Variants in PTPN22 observed in about 807,000 individuals in gnomAD.
The protein encoded by PTPN22 is protein tyrosine phosphatase non-receptor type 22.
A neutral mutation model predicts 103.3 loss-of-function variants in PTPN22; 85 were observed. That is an observed-to-expected ratio of 0.82 (90% CI 0.69 to 0.99). PTPN22 has a LOEUF of 0.99. PTPN22 is among the 50% of genes least tolerant of loss of function. The pLI is 0.00. For missense variants in PTPN22, 865 were observed against 936.9 expected (o/e 0.92, Z 1.00); for synonymous variants, 323 against 310.2 (o/e 1.04, Z -0.43).
In PTPN22 at chr1:113,858,957, G is replaced by A. The variant is rs1312056897; in HGVS notation, c.273+45C>T. ...TCCAGCCAGCCCTCCCCTTTTTTTG[G>A]GTATCTAGAGAAATATGGAATGCTT... On this transcript the variant is annotated intron_variant, in intron 3 of 20. Coordinates refer to ENST00000359785, the Ensembl canonical transcript of PTPN22. 51 of 1,586,114 alleles carry A rather than the reference G, an allele frequency of 3.2e-5. 1 individual carries two copies. The highest frequency in any genetic ancestry group is 4.2e-5 in the Non-Finnish European group (49 of 1,165,080).
At chr1:113,869,562 T>C (rs1473764016) in intron 1 of PTPN22, among the ~76,000 whole-genome samples, 2 of 152,008 alleles carry the variant, frequency 1.3e-5, no homozygotes, top group Non-Finnish European at 2.9e-5. Context: ...GCCCAGCTAA[T>C]TTTTGTATTT....
chr1:113,854,704 T>G (rs1450168542), intron 8 of PTPN22, among the ~76,000 whole-genome samples, 167 bp from the exon 9 acceptor site: 1 of 152,122 alleles, frequency 6.6e-6, no homozygotes, highest in East Asian at 1.9e-4. Context: ...ATGCAAGAGG[T>G]CCTAGGCAAC....
At chr1:113,850,548 A>C (rs1664492074) in intron 10 of PTPN22, among the ~76,000 whole-genome samples, 1 of 152,230 alleles carries the variant, frequency 6.6e-6, no homozygotes, top group Admixed American at 6.5e-5. Context: ...ATGCATTTAC[A>C]TGGATCAGCC....
intron 11 of PTPN22, among the ~76,000 whole-genome samples, chr1:113,845,629 G>A (rs1460862175): frequency 6.6e-6 from 1 of 152,146 alleles, no homozygotes; most frequent in African/African-American, 2.4e-5. Flanking sequence ...AGAGTGTTCT[G>A]TAAGTGTCAA....
intron 16 of PTPN22, among the ~76,000 whole-genome samples, chr1:113,831,857 G>T (rs1662577928): frequency 6.6e-6 from 1 of 152,164 alleles, no homozygotes; most frequent in Admixed American, 6.5e-5. Flanking sequence ...TAAGCATTAA[G>T]TAGTACTCTT....
chr1:113,814,841 G>T (rs1007878644), exon 21 of PTPN22: 8 of 1,180,318 alleles, frequency 6.8e-6, no homozygotes, highest in South Asian at 1.2e-5. Flanking sequence ...TTAACTAGCA[G>T]TATTCTAGTA....
intron 19 of PTPN22, among the ~76,000 whole-genome samples, chr1:113,822,312 C>T (rs1571339659): frequency 6.6e-6 from 1 of 152,116 alleles, no homozygotes; most frequent in Admixed American, 6.5e-5. Context: ...CCAGTGTGAT[C>T]GTTTTATACT....
chr1:113,856,199 G>C (rs35173468), intron 7 of PTPN22, among the ~76,000 whole-genome samples, 183 bp downstream of exon 7: 23,755 of 151,994 alleles, frequency 0.16, 2,112 homozygotes, highest in East Asian at 0.23. Context: ...TGTGTTTTTA[G>C]TAGAGACAGG....
exon 2 of PTPN22, chr1:113,859,379 T>G: frequency 6.2e-7 from 1 of 1,613,242 alleles, no homozygotes; most frequent in Non-Finnish European, 8.5e-7. Flanking sequence ...TATCTGTTTT[T>G]CTTGATATTC....
At chr1:113,847,704 G>A (rs918545899) in intron 11 of PTPN22, among the ~76,000 whole-genome samples, 1 of 151,524 alleles carries the variant, frequency 6.6e-6, no homozygotes, top group African/African-American at 2.4e-5. Flanking sequence ...TCAGCCTCCT[G>A]AGTAGCTGGG....
chr1:113,852,265 A>G lies in PTPN22; in HGVS notation c.751-161T>C, dbSNP rs542261388. Among the ~76,000 whole-genome samples the G allele has an allele frequency of 3.3e-5, 5 of 152,348 alleles. No homozygotes were observed. The South Asian group carries it at 8.3e-4, about 25-fold the overall frequency. ...ACAAATGAGGTTTCTTATCACTTGC[A>G]ACATGATTTAGAGCCTGGTATTTTC... On this transcript the variant is annotated intron_variant, in intron 9 of 20. Transcript: ENST00000359785.
intron 9 of PTPN22, among the ~76,000 whole-genome samples, chr1:113,853,890 G>T (rs1281591427): frequency 8.7e-6 from 1 of 115,434 alleles, no homozygotes; most frequent in Non-Finnish European, 1.7e-5. Flanking sequence ...TTTTGAGACA[G>T]AGTCTCGCTC....
chr1:113,864,911 C>CA (rs1386880512), intron 1 of PTPN22, among the ~76,000 whole-genome samples: 155 of 101,744 alleles, frequency 1.5e-3, no homozygotes, highest in African/African-American at 2.7e-3. Context: ...GACTCCGTCT[C>CA]AAAAAAAAAA....
At chr1:113,838,189 A>G (rs1457835947) in exon 13 of PTPN22, 1 of 1,614,062 alleles carries the variant, frequency 6.2e-7, no homozygotes. Flanking sequence ...CTCCCCAACT[A>G]TTGGAAATGC....
intron 1 of PTPN22, chr1:113,864,136 C>A (rs975920654): frequency 1.6e-5 from 6 of 368,956 alleles, no homozygotes; most frequent in Non-Finnish European, 2.7e-5. Context: ...AACAAACAAA[C>A]AAAAAACTGA....
chr1:113,825,750 G>A (rs1661997705), intron 18 of PTPN22, among the ~76,000 whole-genome samples: 1 of 152,028 alleles, frequency 6.6e-6, no homozygotes. Flanking sequence ...GTCTCGCTGT[G>A]TCGCCCAGGC....
At chr1:113,822,894 G>A (rs1255985232) in intron 19 of PTPN22, among the ~76,000 whole-genome samples, 1 of 152,204 alleles carries the variant, frequency 6.6e-6, no homozygotes, top group Non-Finnish European at 1.5e-5. Flanking sequence ...GGGAGGGGGA[G>A]GTTGCAGTGA....
At chr1:113,817,479 C>A (rs1238498511) in intron 20 of PTPN22, among the ~76,000 whole-genome samples, 1 of 152,032 alleles carries the variant, frequency 6.6e-6, no homozygotes, top group African/African-American at 2.4e-5. Context: ...GTACTGTCGC[C>A]CAGGCTAGAG....
chr1:113,829,608 C>T, exon 18 of PTPN22: 1 of 1,594,260 alleles, frequency 6.3e-7, no homozygotes, highest in Non-Finnish European at 8.6e-7. Context: ...CCTTGTGAAA[C>T]TTTTTCCAGG....
Sources: gnomAD v4.1 joint callset for allele counts (sites outside exome capture counted in the v4.1 genomes callset) on GRCh38, gnomAD v4.1.1 for gene constraint, MANE v1.5 for transcripts, NCBI Gene and HGNC (gene_info 2026-07-23, HGNC 2026-07-21) for gene names.